MTERF4: variants seen among roughly 807,000 people sequenced by gnomAD.
MTERF4 encodes mitochondrial transcription termination factor 4.
In MTERF4, 17 loss-of-function variants were observed where a neutral mutation model predicts 22.5. The observed-to-expected ratio is 0.75, with a 90% CI of 0.52 to 1.13. MTERF4 has a LOEUF of 1.13. Ranked by LOEUF, MTERF4 falls within the 50% of genes most tolerant of loss-of-function variation. The pLI is 0.00. For synonymous variants in MTERF4, 165 were observed against 175.3 expected (o/e 0.94, Z 0.47); for missense variants, 420 against 466.8 (o/e 0.90, Z 0.92).
At chr2:241,063,524 TG>T in the MTERF4 span, 2 of 1,059,178 alleles carry the variant, frequency 1.9e-6, no homozygotes, top group Non-Finnish European at 2.9e-6. Flanking sequence ...CACGGAATCC[TG>T]GGGGCATGTG....
chr2:241,076,987 G>A (rs2063054696), intron 4 of MTERF4, among the ~76,000 whole-genome samples: 1 of 152,172 alleles, frequency 6.6e-6, no homozygotes, highest in East Asian at 1.9e-4. Context: ...GCTGAGGCAG[G>A]AGAATGGCGT....
chr2:241,089,301 G>A (rs539696753), downstream of MTERF4: 32 of 1,549,720 alleles, frequency 2.1e-5, no homozygotes, highest in African/African-American at 4.1e-5. Flanking sequence ...TCCTGGTGGC[G>A]CAGATGAGTG....
At chr2:241,080,315 T>C (rs747790899) in intron 4 of MTERF4, among the ~76,000 whole-genome samples, 10 of 152,218 alleles carry the variant, frequency 6.6e-5, no homozygotes, top group Non-Finnish European at 1.3e-4. Context: ...GTTTGTCTTT[T>C]GATTCTGTTA....
At chr2:241,046,276 T>G in the MTERF4 span, among the ~76,000 whole-genome samples, 1 of 152,234 alleles carries the variant, frequency 6.6e-6, no homozygotes, top group African/African-American at 2.4e-5. Flanking sequence ...TATATGCTTA[T>G]AATATGCCCC....
the MTERF4 span, chr2:241,063,944 G>A: frequency 7.5e-6 from 9 of 1,194,312 alleles, no homozygotes; most frequent in African/African-American, 3.0e-5. Flanking sequence ...CCTTCTTCCC[G>A]CTGTCCTCTC....
chr2:241,072,072 G>T (rs896596299), downstream of MTERF4: 8 of 704,206 alleles, frequency 1.1e-5, no homozygotes, highest in African/African-American at 1.2e-4. Context: ...CATGGCAGGA[G>T]GGGCAGCTCG....
At chr2:241,054,295 C>T in the MTERF4 span, among the ~76,000 whole-genome samples, 1 of 152,142 alleles carries the variant, frequency 6.6e-6, no homozygotes, top group Non-Finnish European at 1.5e-5. Context: ...CCTCAGAAAA[C>T]AATAATAAAA....
At chr2:241,050,478 C>T in the MTERF4 span, among the ~76,000 whole-genome samples, 3 of 152,104 alleles carry the variant, frequency 2.0e-5, no homozygotes, top group Non-Finnish European at 4.4e-5. Flanking sequence ...GCTGCCTGAC[C>T]GCAGAGTGAC....
At chr2:241,089,105 C>A (rs528480243), downstream of MTERF4, 4 of 520,722 alleles carry the variant, frequency 7.7e-6, no homozygotes, top group South Asian at 1.3e-4. Context: ...TTAAACAACA[C>A]TGGCATTCTT....
chr2:241,101,825 G>A (rs1458793346), intron 1 of MTERF4, among the ~76,000 whole-genome samples: 1 of 152,214 alleles, frequency 6.6e-6, no homozygotes, highest in East Asian at 1.9e-4. Flanking sequence ...GTTCGAGGCG[G>A]GTGGATCACC....
At chr2:241,061,428 C>T in the MTERF4 span, among the ~76,000 whole-genome samples, 1 of 152,180 alleles carries the variant, frequency 6.6e-6, no homozygotes, top group Non-Finnish European at 1.5e-5. Context: ...TTGCTAGAAG[C>T]ACTTTGAAAA....
rs551430496 is a variant in MTERF4 at position 241,072,808 on chromosome 2, G to A, written n.3354C>T. The A allele has an allele frequency of 3.1e-5, 6 of 195,674 alleles. No individual in the cohort carries two copies. In the South Asian group the frequency reaches 6.4e-4, roughly 21 times the overall value. The allele number at this position is 195,674 out of a possible 1,614,324, so 12.1% of individuals were successfully genotyped here. On this transcript the variant is annotated non_coding_transcript_exon_variant, in exon 5 of 5. Transcript: ENST00000464344. ...ATATGAAGTGCCCGAGGGTGCGGTT[G>A]AGATCCCTGCATAAGAAGTGATGCA... is the stretch of plus-strand genomic sequence containing the variant.
downstream of MTERF4, among the ~76,000 whole-genome samples, chr2:241,083,161 G>C (rs567237123): frequency 1.2e-3 from 184 of 152,342 alleles, 2 homozygotes; most frequent in African/African-American, 4.4e-3. Context: ...GCCTGCTGGG[G>C]ATGGGCAGGG....
chr2:241,050,008 G>GCTGTCTCTCTC, the MTERF4 span: 2 of 1,062,638 alleles, frequency 1.9e-6, no homozygotes, highest in Non-Finnish European at 2.9e-6. Context: ...CTGCTTCTCT[G>GCTGTCTCTCTC]CTGTCTCTCT....
rs146233316 is a variant in MTERF4 at position 241,078,729 on chromosome 2, T to C, written n.480-3047A>G. ...TTCTAAAATTGTGCTGATGGATGCC[T>C]GTATCTGTGAATATGCTTAAAACCA... On this transcript the variant is annotated intron_variant and non_coding_transcript_variant, in intron 4 of 4. Transcript: ENST00000464344. Among the ~76,000 whole-genome samples, 8 of 152,032 alleles carry C rather than the reference T, an allele frequency of 5.3e-5. No homozygotes were observed. In the East Asian group the frequency reaches 9.6e-4, roughly 18 times the overall value.
the MTERF4 span, among the ~76,000 whole-genome samples, chr2:241,052,746 G>T: frequency 6.2e-4 from 56 of 90,160 alleles, 2 homozygotes; most frequent in East Asian, 8.2e-3. Context: ...GCAGGTGAGA[G>T]GGCCGGGGGG....
At chr2:241,066,121 C>A in the MTERF4 span, among the ~76,000 whole-genome samples, 1 of 152,152 alleles carries the variant, frequency 6.6e-6, no homozygotes, top group African/African-American at 2.4e-5. Flanking sequence ...CCCAGAGCCT[C>A]CACCTGGAGC....
At chr2:241,083,046 A>G (rs2063405755), downstream of MTERF4, among the ~76,000 whole-genome samples, 1 of 151,652 alleles carries the variant, frequency 6.6e-6, no homozygotes, top group Non-Finnish European at 1.5e-5. Flanking sequence ...CGTTCATTGC[A>G]GATGAGGGGA....
chr2:241,042,926 G>C, the MTERF4 span, among the ~76,000 whole-genome samples: 2 of 152,282 alleles, frequency 1.3e-5, no homozygotes, highest in South Asian at 4.2e-4. Flanking sequence ...ATGGAGAACA[G>C]TATCAAGCAG....
Sources: allele counts gnomAD v4.1 joint callset (sites outside exome capture counted in the v4.1 genomes callset), GRCh38; gene constraint gnomAD v4.1.1; transcripts MANE v1.5; gene names NCBI Gene and HGNC (gene_info 2026-07-23, HGNC 2026-07-21).